The following UBE3A variants were observed in gnomAD, a reference collection of about 807,000 sequenced individuals.
UBE3A encodes ubiquitin protein ligase E3A.
Under a neutral mutation model 83.4 loss-of-function variants are expected in UBE3A, and 6 were observed. That is an observed-to-expected ratio of 0.07 (90% confidence interval 0.04 to 0.14). UBE3A has a LOEUF of 0.14. Among genes scored for constraint, UBE3A ranks in the 10% least tolerant of loss-of-function variants. The pLI is 1.00. For missense variants in UBE3A, 456 were observed against 1,036.1 expected (o/e 0.44, Z 7.69); for synonymous variants, 337 against 355.4 (o/e 0.95, Z 0.58).
intron 6 of UBE3A, among the ~76,000 whole-genome samples, chr15:25,367,104 G>T (rs916733801): frequency 9.3e-5 from 14 of 150,640 alleles, no homozygotes; most frequent in Non-Finnish European, 1.5e-4. Context: ...ACTATCATTG[G>T]AAGTGCTTCA....
intron 5 of UBE3A, among the ~76,000 whole-genome samples, chr15:25,373,138 C>T (rs2152832724): frequency 6.6e-6 from 1 of 152,222 alleles, no homozygotes; most frequent in Non-Finnish European, 1.5e-5. Context: ...TAACCTCTTC[C>T]CCAAAAGCAT....
intron 4 of UBE3A, among the ~76,000 whole-genome samples, chr15:25,397,458 T>C (rs147844523): frequency 2.6e-5 from 4 of 152,090 alleles, no homozygotes; most frequent in African/African-American, 9.7e-5. Flanking sequence ...TCCAGAAAGA[T>C]CTCTAGAAAC....
At chr15:25,431,131 A>C (rs1893326874) in intron 1 of UBE3A, among the ~76,000 whole-genome samples, 1 of 152,190 alleles carries the variant, frequency 6.6e-6, no homozygotes, top group Non-Finnish European at 1.5e-5. Flanking sequence ...AAATATTCCC[A>C]TTCTGTGAAG....
At chr15:25,392,787 T>C (rs575409003) in intron 4 of UBE3A, among the ~76,000 whole-genome samples, 90 of 152,138 alleles carry the variant, frequency 5.9e-4, no homozygotes, top group African/African-American at 2.1e-3. Flanking sequence ...TCCAAGCACT[T>C]CAAGAGCCTA....
chr15:25,343,618 A>G (rs1397488416), intron 11 of UBE3A, among the ~76,000 whole-genome samples: 1 of 152,184 alleles, frequency 6.6e-6, no homozygotes, highest in Admixed American at 6.5e-5. Flanking sequence ...TCAAAGCATA[A>G]TAACGAAAAA....
chr15:25,426,860 C>A (rs1174211864), intron 1 of UBE3A, among the ~76,000 whole-genome samples: 1 of 151,750 alleles, frequency 6.6e-6, no homozygotes, highest in Non-Finnish European at 1.5e-5. Context: ...GGTCTGTCAC[C>A]GCGGCTGGAG....
intron 4 of UBE3A, among the ~76,000 whole-genome samples, chr15:25,392,533 A>G (rs1328139405): frequency 1.3e-5 from 2 of 152,178 alleles, no homozygotes; most frequent in Non-Finnish European, 1.5e-5. Flanking sequence ...GCTACATAAA[A>G]AGGGCTCTTC....
chr15:25,422,365 A>G (rs1199047164), intron 1 of UBE3A, among the ~76,000 whole-genome samples: 1 of 152,194 alleles, frequency 6.6e-6, no homozygotes, highest in East Asian at 1.9e-4. Context: ...ATATTTATCA[A>G]AATCAATAAA....
At position 25,336,148 on chromosome 15, in the gene UBE3A, C is replaced by G. The variant is rs77156927; in HGVS notation, c.*2989G>C. 0.044 allele frequency: 6,731 copies of G among 151,602 alleles called. 493 individuals are homozygous for G. Among genetic ancestry groups the G allele is most frequent in the African/African-American group, 0.15 (6,334 of 41,278 alleles). The allele number at this position is 151,602 out of a possible 1,614,324, so 9.4% of individuals were successfully genotyped here. On this transcript the variant is annotated 3_prime_UTR_variant, in exon 13 of 13. Coordinates refer to ENST00000648336, the MANE Select transcript of UBE3A (RefSeq NM_130839.5). ...AACCCTCTACCCTCCCCAGGCAATT[C>G]TTTACACACTAACACTGTTGAGGTA...
intron 4 of UBE3A, among the ~76,000 whole-genome samples, chr15:25,384,289 C>T (rs1441871776): frequency 6.6e-6 from 1 of 151,836 alleles, no homozygotes; most frequent in East Asian, 1.9e-4. Flanking sequence ...GAAACCCTGT[C>T]TCTACTAAAA....
intron 5 of UBE3A, among the ~76,000 whole-genome samples, chr15:25,373,246 C>A (rs2080607196): frequency 6.6e-6 from 1 of 152,126 alleles, no homozygotes; most frequent in African/African-American, 2.4e-5. Context: ...TAAAATGTAA[C>A]ATAACAGAAA....
At chr15:25,357,930 G>C (rs184169544) in intron 7 of UBE3A, among the ~76,000 whole-genome samples, 1 of 126,372 alleles carries the variant, frequency 7.9e-6, no homozygotes, top group Admixed American at 8.8e-5. Flanking sequence ...TTTTTGAGAC[G>C]GTCTCGCTCT....
In UBE3A at chr15:25,339,023, G is replaced by T; in HGVS notation, c.*114C>A. ...TGGTTGACTATCTTACAGCCTTTTTGTACTGGGACACTATCACCACCAAAA... is the reference window on the plus strand; with the variant it reads ...TGGTTGACTATCTTACAGCCTTTTTTTACTGGGACACTATCACCACCAAAA... On this transcript the variant is annotated 3_prime_UTR_variant, in exon 13 of 13. Transcript: ENST00000648336. 1 of 1,236,704 alleles carries T rather than the reference G, an allele frequency of 8.1e-7. No homozygotes were observed. The highest frequency in any genetic ancestry group is 1.1e-6 in the Non-Finnish European group (1 of 933,116). 76.6% of individuals were successfully genotyped at this position (1,236,704 alleles called of 1,614,324 possible).
intron 12 of UBE3A, 199 bp downstream of exon 12, chr15:25,339,886 T>C: frequency 1.5e-6 from 1 of 650,202 alleles, no homozygotes. Context: ...AGCCCCATAA[T>C]AATTTTTAAC....
At chr15:25,404,759 T>C (rs1277777656) in intron 4 of UBE3A, among the ~76,000 whole-genome samples, 1 of 152,206 alleles carries the variant, frequency 6.6e-6, no homozygotes, top group Non-Finnish European at 1.5e-5. Context: ...TTCATTTTCC[T>C]ACCTCTCAGC....
chr15:25,391,705 A>G (rs2084432939), intron 4 of UBE3A: 1 of 152,198 alleles, frequency 6.6e-6, no homozygotes, highest in South Asian at 2.1e-4. Flanking sequence ...GAGCCATAGG[A>G]CAAGTCTCTA....
intron 2 of UBE3A, among the ~76,000 whole-genome samples, chr15:25,410,157 A>G (rs2089666148): frequency 1.3e-5 from 2 of 152,212 alleles, no homozygotes; most frequent in South Asian, 4.1e-4. Flanking sequence ...AATAAAAAAC[A>G]TCAGTCAAAA....
intron 6 of UBE3A, among the ~76,000 whole-genome samples, chr15:25,363,683 A>G (rs936373018): frequency 2.0e-5 from 3 of 152,112 alleles, no homozygotes; most frequent in African/African-American, 4.8e-5. Flanking sequence ...TTTTAGGATT[A>G]TGAGTGATTT....
intron 4 of UBE3A, among the ~76,000 whole-genome samples, chr15:25,381,950 G>A (rs2082244511): frequency 6.6e-6 from 1 of 152,132 alleles, no homozygotes. Flanking sequence ...AGAACAAGAC[G>A]ATTTTCATGA....
Sources: gnomAD v4.1 joint callset for allele counts (sites outside exome capture counted in the v4.1 genomes callset) on GRCh38, gnomAD v4.1.1 for gene constraint, MANE v1.5 for transcripts, NCBI Gene and HGNC (gene_info 2026-07-23, HGNC 2026-07-21) for gene names.